Variants in CHSY3 observed in about 807,000 individuals in gnomAD.
CHSY3 encodes the protein chondroitin sulfate synthase 3.
Under a neutral mutation model 67.2 loss-of-function variants are expected in CHSY3, and 35 were observed. The ratio of observed to expected loss-of-function variants is 0.52; its 90% CI spans 0.40 to 0.69. CHSY3 has a LOEUF of 0.69. Among genes scored for constraint, CHSY3 ranks in the 30% least tolerant of loss-of-function variants. The pLI, the probability that CHSY3 is intolerant of heterozygous loss-of-function variation, is 0.00. For synonymous variants in CHSY3, 474 were observed against 434.7 expected (o/e 1.09, Z -1.12); for missense variants, 1,069 against 1,138.5 (o/e 0.94, Z 0.88).
At chr5:130,066,824 C>T (rs1765899381) in intron 2 of CHSY3, among the ~76,000 whole-genome samples, 1 of 152,124 alleles carries the variant, frequency 6.6e-6, no homozygotes, top group African/African-American at 2.4e-5. Context: ...TCGGATGCTT[C>T]TCAACACTCT....
At position 130,067,887 on chromosome 5, in the gene CHSY3, C is replaced by T. The variant is rs550867621; in HGVS notation, c.1087-116342C>T. On this transcript the variant is annotated intron_variant, in intron 2 of 2. Coordinates refer to ENST00000305031, the MANE Select transcript of CHSY3 (RefSeq NM_175856.5). ...GAATGATTTAATGTTACATAGGTTC[C>T]CCAAAATAAATGTAGAACTTTTTAC... Among the ~76,000 whole-genome samples the T allele has an allele frequency of 1.6e-3, 242 of 152,140 alleles. 1 individual carries two copies. Among genetic ancestry groups the T allele is most frequent in the African/African-American group, 5.1e-3 (211 of 41,526 alleles).
At chr5:130,057,016 C>T (rs546288424) in intron 2 of CHSY3, among the ~76,000 whole-genome samples, 120 of 147,882 alleles carry the variant, frequency 8.1e-4, no homozygotes, top group Non-Finnish European at 1.5e-3. Context: ...CTCCTCCTCC[C>T]GGGTTCACGC....
chr5:129,969,349 T>G (rs1303887533), intron 2 of CHSY3, among the ~76,000 whole-genome samples: 1 of 151,850 alleles, frequency 6.6e-6, no homozygotes, highest in Non-Finnish European at 1.5e-5. Flanking sequence ...AATGTAATGA[T>G]TTACTCATTA....
At chr5:130,044,163 T>C (rs1458004346) in intron 2 of CHSY3, among the ~76,000 whole-genome samples, 2 of 152,042 alleles carry the variant, frequency 1.3e-5, no homozygotes, top group Non-Finnish European at 2.9e-5. Context: ...ATTTGAACAA[T>C]TCAAGAATGA....
At chr5:130,170,031 C>A (rs1769856378) in intron 2 of CHSY3, among the ~76,000 whole-genome samples, 1 of 152,066 alleles carries the variant, frequency 6.6e-6, no homozygotes, top group Admixed American at 6.6e-5. Context: ...ATATTAGTTA[C>A]ATGGGTATGT....
intron 2 of CHSY3, among the ~76,000 whole-genome samples, chr5:130,148,072 G>A (rs1421505950): frequency 2.0e-5 from 3 of 151,858 alleles, no homozygotes; most frequent in Admixed American, 6.6e-5. Context: ...ACTGTTCCCC[G>A]TGTGTGTTGT....
chr5:130,167,423 G>A (rs936163390), intron 2 of CHSY3, among the ~76,000 whole-genome samples: 1 of 152,030 alleles, frequency 6.6e-6, no homozygotes, highest in Non-Finnish European at 1.5e-5. Context: ...AAACTGGCAG[G>A]CAAGAAGCTG....
At chr5:129,987,450 A>G (rs988263166) in intron 2 of CHSY3, among the ~76,000 whole-genome samples, 2 of 152,234 alleles carry the variant, frequency 1.3e-5, no homozygotes, top group African/African-American at 4.8e-5. Context: ...GTAATTAATA[A>G]CAGGAGATGT....
intron 2 of CHSY3, among the ~76,000 whole-genome samples, chr5:130,161,123 C>G (rs1313656892): frequency 1.3e-5 from 2 of 151,894 alleles, no homozygotes; most frequent in Non-Finnish European, 2.9e-5. Context: ...CCAGGATGGT[C>G]TCGATCTCCT....
rs76217472 is a variant in CHSY3 at position 129,930,948 on chromosome 5, G to A, written c.1086+22588G>A. ...ACAGCTTTATGCAAATTTGTGTCTG[G>A]TGCACATCAGTCTTTCCATTTCAGT... On this transcript the variant is annotated intron_variant, in intron 2 of 2. Coordinates refer to ENST00000305031, the MANE Select transcript of CHSY3 (RefSeq NM_175856.5). Among the ~76,000 whole-genome samples, 1,507 of 152,172 alleles carry A rather than the reference G, an allele frequency of 9.9e-3. 26 individuals are homozygous for A. The highest frequency in any genetic ancestry group is 0.035 in the African/African-American group (1,443 of 41,496).
At chr5:129,962,784 C>T (rs1157946708) in intron 2 of CHSY3, among the ~76,000 whole-genome samples, 4 of 151,898 alleles carry the variant, frequency 2.6e-5, no homozygotes, top group East Asian at 1.9e-4. Flanking sequence ...GGCTGAATTC[C>T]GGCTTCAAGG....
intron 2 of CHSY3, among the ~76,000 whole-genome samples, chr5:130,096,449 TA>T (rs1767049613): frequency 6.6e-6 from 1 of 152,116 alleles, no homozygotes; most frequent in African/African-American, 2.4e-5. Flanking sequence ...AGAAATATTT[TA>T]AAAGTTCTAT....
chr5:130,091,111 A>AACACACACACAC (rs143104865), intron 2 of CHSY3, among the ~76,000 whole-genome samples: 1 of 148,724 alleles, frequency 6.7e-6, no homozygotes, highest in South Asian at 2.1e-4. Context: ...ACTTAAACGC[A>AACACACACACAC]ACACACACAC....
At chr5:130,002,000 A>C in intron 2 of CHSY3, 1 of 873,528 alleles carries the variant, frequency 1.1e-6, no homozygotes, top group Non-Finnish European at 1.4e-6. Flanking sequence ...ATAGTAACTT[A>C]GAGCTACTCT....
At chr5:129,998,716 A>C (rs947143476) in intron 2 of CHSY3, among the ~76,000 whole-genome samples, 2 of 152,076 alleles carry the variant, frequency 1.3e-5, no homozygotes, top group Non-Finnish European at 2.9e-5. Flanking sequence ...TAAAAGGCTT[A>C]AGATCTTTCA....
chr5:130,139,576 C>A (rs763875216), intron 2 of CHSY3, among the ~76,000 whole-genome samples: 2 of 152,142 alleles, frequency 1.3e-5, no homozygotes, highest in Non-Finnish European at 2.9e-5. Flanking sequence ...TTCTTCTGTG[C>A]TGCTAATGAG....
chr5:130,079,490 T>C (rs754183395), intron 2 of CHSY3, among the ~76,000 whole-genome samples: 1 of 152,104 alleles, frequency 6.6e-6, no homozygotes, highest in Non-Finnish European at 1.5e-5. Flanking sequence ...TATTTTTGCC[T>C]CTTTCCTTTA....
At chr5:130,072,302 T>G (rs1766100639) in intron 2 of CHSY3, among the ~76,000 whole-genome samples, 1 of 152,144 alleles carries the variant, frequency 6.6e-6, no homozygotes, top group South Asian at 2.1e-4. Flanking sequence ...TTTAAATCTT[T>G]AATTCATTTT....
chr5:130,027,875 T>C (rs1764593897), intron 2 of CHSY3, among the ~76,000 whole-genome samples: 1 of 152,216 alleles, frequency 6.6e-6, no homozygotes, highest in Non-Finnish European at 1.5e-5. Context: ...CTATCATTGA[T>C]GGACATTTGG....
Sources: allele counts gnomAD v4.1 joint callset (sites outside exome capture counted in the v4.1 genomes callset), GRCh38; gene constraint gnomAD v4.1.1; transcripts MANE v1.5; gene names NCBI Gene and HGNC (gene_info 2026-07-23, HGNC 2026-07-21).